Variants in HDAC9 observed in about 807,000 individuals in gnomAD.
The protein encoded by HDAC9 is histone deacetylase 9.
A neutral mutation model predicts 139.4 loss-of-function variants in HDAC9; 41 were observed. The ratio of observed to expected loss-of-function variants is 0.29; its 90% CI spans 0.23 to 0.38. The LOEUF (loss-of-function observed/expected upper bound fraction) is 0.38, where lower values mean the gene tolerates loss of function less well. Ranked by LOEUF, HDAC9 falls within the 10% of genes least tolerant of loss-of-function variation. The probability of loss-of-function intolerance (pLI) is 1.00; values close to 1 mark genes in which losing one functional copy is unlikely to be tolerated. For missense variants in HDAC9, 1,147 were observed against 1,297.0 expected, an observed-to-expected ratio of 0.88 and a Z score of 1.78; for synonymous variants, 517 against 476.2, an observed-to-expected ratio of 1.09 and a Z score of -1.12.
intron 2 of HDAC9, among the ~76,000 whole-genome samples, chr7:18,532,371 C>T (rs1207082560): frequency 6.6e-6 from 1 of 152,128 alleles, no homozygotes; most frequent in African/African-American, 2.4e-5. Flanking sequence ...TATGAGCTCT[C>T]CTAGAGGTAT....
chr7:18,617,863 T>C (rs981217810), intron 6 of HDAC9, among the ~76,000 whole-genome samples: 2 of 152,206 alleles, frequency 1.3e-5, no homozygotes, highest in African/African-American at 4.8e-5. Context: ...AGAAGTTGTT[T>C]TGCTAAATAA....
intron 8 of HDAC9, among the ~76,000 whole-genome samples, chr7:18,643,921 G>C (rs1346075128): frequency 6.6e-6 from 1 of 151,966 alleles, no homozygotes; most frequent in Non-Finnish European, 1.5e-5. Flanking sequence ...AGGGAGGCAA[G>C]AGTTAAACAG....
At chr7:18,528,315 G>C (rs979216617) in intron 2 of HDAC9, among the ~76,000 whole-genome samples, 2 of 151,398 alleles carry the variant, frequency 1.3e-5, no homozygotes, top group Non-Finnish European at 2.9e-5. Context: ...AGATTTTGGA[G>C]CTGGTAAGAA....
chr7:18,244,511 T>C (rs1397369783), intron 2 of HDAC9, among the ~76,000 whole-genome samples: 2 of 152,164 alleles, frequency 1.3e-5, no homozygotes, highest in African/African-American at 4.8e-5. Flanking sequence ...CTTAGTAAGA[T>C]GTTGCGGCTA....
intron 1 of HDAC9, among the ~76,000 whole-genome samples, chr7:18,460,458 T>A (rs1793737823): frequency 6.6e-6 from 1 of 152,104 alleles, no homozygotes; most frequent in African/African-American, 2.4e-5. Context: ...CTGTATTTTA[T>A]GGAATTCGAA....
chr7:18,438,779 C>T (rs1269796964), intron 1 of HDAC9, among the ~76,000 whole-genome samples: 3 of 151,870 alleles, frequency 2.0e-5, no homozygotes, highest in Admixed American at 2.0e-4. Flanking sequence ...ATTGTTAATT[C>T]TATAATCCTG....
At chr7:18,690,650 G>A (rs983833124) in intron 12 of HDAC9, among the ~76,000 whole-genome samples, 9 of 151,786 alleles carry the variant, frequency 5.9e-5, no homozygotes, top group Admixed American at 5.9e-4. Context: ...TTTTTTAAAT[G>A]TGGCTATAGT....
intron 13 of HDAC9, among the ~76,000 whole-genome samples, chr7:18,737,271 G>A (rs989339000): frequency 1.3e-5 from 2 of 151,958 alleles, no homozygotes; most frequent in East Asian, 1.9e-4. Context: ...CTTGCTTTCC[G>A]CTAGCTTTTG....
chr7:18,087,980 C>T (rs1781902022), intron 1 of HDAC9: 1 of 152,220 alleles, frequency 6.6e-6, no homozygotes, highest in Non-Finnish European at 1.5e-5. Context: ...GAGAGGTGGC[C>T]TGCAACGGAG....
intron 21 of HDAC9, among the ~76,000 whole-genome samples, chr7:18,873,707 A>C (rs772929064): frequency 1.1e-4 from 16 of 152,194 alleles, no homozygotes; most frequent in Non-Finnish European, 1.9e-4. Flanking sequence ...TTATGATGGC[A>C]TACTGGTCTT....
At chr7:18,549,440 G>A (rs757474630) in intron 2 of HDAC9, among the ~76,000 whole-genome samples, 4 of 152,062 alleles carry the variant, frequency 2.6e-5, no homozygotes, top group Non-Finnish European at 5.9e-5. Context: ...CAAACTGTGT[G>A]GTACATCCAT....
chr7:18,877,429 G>A (rs1027808752), intron 22 of HDAC9, among the ~76,000 whole-genome samples: 4 of 152,110 alleles, frequency 2.6e-5, no homozygotes, highest in African/African-American at 9.7e-5. Context: ...TTAGAAATGG[G>A]CTAGATTCTA....
At chr7:18,844,657 T>C (rs1423624120) in intron 21 of HDAC9, among the ~76,000 whole-genome samples, 1 of 152,168 alleles carries the variant, frequency 6.6e-6, no homozygotes, top group African/African-American at 2.4e-5. Context: ...CAAAAGAGCA[T>C]TTTTACTGGA....
At chr7:18,897,172 A>C (rs996584358) in intron 22 of HDAC9, among the ~76,000 whole-genome samples, 1 of 151,954 alleles carries the variant, frequency 6.6e-6, no homozygotes, top group African/African-American at 2.4e-5. Flanking sequence ...ATGGCTGAAA[A>C]AATCTGGTCT....
chr7:18,346,308 T>G (rs1304577235), intron 1 of HDAC9, among the ~76,000 whole-genome samples: 2 of 152,174 alleles, frequency 1.3e-5, no homozygotes, highest in African/African-American at 4.8e-5. Context: ...AAAGTACAGT[T>G]AACTTGACAG....
intron 1 of HDAC9, among the ~76,000 whole-genome samples, chr7:18,374,690 G>C (rs1784856806): frequency 6.6e-6 from 1 of 151,658 alleles, no homozygotes; most frequent in African/African-American, 2.4e-5. Flanking sequence ...TGTTATGCTG[G>C]GTGTCTCCAG....
At chr7:18,323,414 C>A (rs1162206787) in intron 1 of HDAC9, among the ~76,000 whole-genome samples, 1 of 152,136 alleles carries the variant, frequency 6.6e-6, no homozygotes, top group Non-Finnish European at 1.5e-5. Flanking sequence ...AGTGGAGAGT[C>A]ACACCTCTCA....
chr7:18,272,910 A>ACTG (rs1199684145), intron 2 of HDAC9, among the ~76,000 whole-genome samples: 76 of 109,832 alleles, frequency 6.9e-4, no homozygotes, highest in African/African-American at 2.5e-3. Context: ...TAACTAGACT[A>ACTG]CTGCTACTAC....
intron 22 of HDAC9, among the ~76,000 whole-genome samples, chr7:18,921,003 A>G (rs539677385): frequency 6.6e-6 from 1 of 152,210 alleles, no homozygotes; most frequent in African/African-American, 2.4e-5. Flanking sequence ...TATTTAATAA[A>G]TGGTGCTGGG....
Sources: gnomAD v4.1 joint callset for allele counts (sites outside exome capture counted in the v4.1 genomes callset) on GRCh38, gnomAD v4.1.1 for gene constraint, MANE v1.5 for transcripts, NCBI Gene and HGNC (gene_info 2026-07-23, HGNC 2026-07-21) for gene names.